Variants in VARS2 observed in about 807,000 individuals in gnomAD.
VARS2 encodes the protein valine--tRNA ligase, mitochondrial.
In VARS2, 105 loss-of-function variants were observed where a neutral mutation model predicts 154.1. The ratio of observed to expected loss-of-function variants is 0.68; its 90% CI spans 0.58 to 0.80. The LOEUF (loss-of-function observed/expected upper bound fraction) is 0.80, where lower values mean the gene tolerates loss of function less well. Among genes scored for constraint, VARS2 ranks in the 30% least tolerant of loss-of-function variants. The probability of loss-of-function intolerance (pLI) is 0.00; values close to 1 mark genes in which losing one functional copy is unlikely to be tolerated. For missense variants in VARS2, 1,157 were observed against 1,361.4 expected (o/e 0.85, Z 2.36); for synonymous variants, 483 against 539.5 (o/e 0.90, Z 1.45).
chr6:30,920,716 C>T lies in VARS2; in HGVS notation c.1446C>T (p.Val482=). The change falls in exon 15 of 30, where the codon GTC becomes GTT. Residue 482 remains valine (V), a synonymous_variant. Transcript: ENST00000676266. This position sits in a 1 kb window ranked among gnomAD's most constrained non-coding sequence, Gnocchi z 4.6. ...IEYLLKNQWF[V]RCQEMGARAA... ...ACCTGCTGAAGAACCAGTGGTTTGT[C>T]CGCTGCCAGGAAATGGGGGCCCGAG... 1.9e-6 allele frequency: 3 copies of T among 1,601,108 alleles called. No homozygotes were observed. The highest frequency in any genetic ancestry group is 2.6e-6 in the Non-Finnish European group (3 of 1,174,426).
In VARS2 at chr6:30,915,402, G is replaced by T. The variant is rs372389658; in HGVS notation, c.331G>T (p.Ala111Ser). The T allele has an allele frequency of 1.2e-6, 2 of 1,614,082 alleles. No individual in the cohort carries two copies. Among genetic ancestry groups the T allele is most frequent in the African/African-American group, 2.7e-5 (2 of 74,908 alleles). Reference protein sequence around the residue: ...PPAYSPRYVEAAWYPWWVREG... With the variant: ...PPAYSPRYVESAWYPWWVREG... ...TGCATACAGCCCCCGATATGTTGAG[G>T]CTGCCTGGTACCCGTGGTGGGTACG... Residue 111 changes from alanine (A) to serine (S), a missense_variant, in exon 4 of 30, where the codon GCT becomes TCT. Ala to Ser is a moderately conservative substitution (Grantham distance 99). Coordinates refer to ENST00000676266, the MANE Select transcript of VARS2 (RefSeq NM_020442.6).
At position 30,914,957 on chromosome 6, in the gene VARS2, C is replaced by T. The variant is rs1351298268; in HGVS notation, c.121C>T (p.Arg41Trp). The T allele has an allele frequency of 1.9e-6, 3 of 1,613,084 alleles. No individual in the cohort carries two copies. Among genetic ancestry groups the T allele is most frequent in the Non-Finnish European group, 2.5e-6 (3 of 1,180,038 alleles). The change falls in exon 2 of 30, where the codon CGG becomes TGG. Residue 41 changes from arginine (R) to tryptophan (W), a missense_variant. Coordinates refer to ENST00000676266, the MANE Select transcript of VARS2 (RefSeq NM_020442.6). Reference sequence around the variant, plus strand: ...GGAGCCCCATGGATCTCCCATCTCCCGGAGGAACCGTGAAGCCAAACAGAA... The same window carrying T: ...GGAGCCCCATGGATCTCCCATCTCCTGGAGGAACCGTGAAGCCAAACAGAA... Reference protein sequence around the residue: ...QSEPHGSPISRRNREAKQKRL... With the variant: ...QSEPHGSPISWRNREAKQKRL...
chr6:30,920,123 C>G lies in VARS2; in HGVS notation c.1200C>G (p.Ala400=). The G allele has an allele frequency of 6.3e-7, 1 of 1,580,384 alleles. No homozygotes were observed. Among genetic ancestry groups the G allele is most frequent in the Non-Finnish European group, 8.6e-7 (1 of 1,163,008 alleles). ...AVKVTPAHSP[A]DAEMGARHGL... ...AGGTGACTCCAGCTCACAGTCCTGC[C>G]GATGCTGAGATGGGGGCCCGACATG... Residue 400 remains alanine (A), a synonymous_variant, in exon 13 of 30, where the codon GCC becomes GCG. Transcript: ENST00000676266. The surrounding 1 kb of genome is among the most constrained non-coding windows in gnomAD (Gnocchi z 4.6).
At chr6:30,923,074 A>T in intron 23 of VARS2, 30 bp from the exon 24 acceptor site, 4 of 1,612,092 alleles carry the variant, frequency 2.5e-6, no homozygotes, top group Non-Finnish European at 3.4e-6. Context: ...TGCCACCTAC[A>T]TGCAGACTAC....
At position 30,920,143 on chromosome 6, in the gene VARS2, G is replaced by C. The variant is rs1261957759; in HGVS notation, c.1220G>C (p.Arg407Pro). 5 of 1,591,616 alleles carry C rather than the reference G, an allele frequency of 3.1e-6. No individual in the cohort carries two copies. The highest frequency in any genetic ancestry group is 4.3e-6 in the Non-Finnish European group (5 of 1,168,990). The change falls in exon 13 of 30, where the codon CGA becomes CCA. Residue 407 changes from arginine to proline, a missense_variant. Transcript: ENST00000676266. The surrounding 1 kb of genome is among the most constrained non-coding windows in gnomAD (Gnocchi z 4.6). ...HSPADAEMGA[R>P]HGLSPLNVIA... ...CCTGCCGATGCTGAGATGGGGGCCC[G>C]ACATGGCTTGAGCCCCTTGAATGTC...
At position 30,921,294 on chromosome 6, in the gene VARS2, G is replaced by A; in HGVS notation, c.1621G>A (p.Asp541Asn). ...HQIPAYLVVEDHAQGEEDCWV... is the reference protein window; with the variant it reads ...HQIPAYLVVENHAQGEEDCWV... ...GATTCCAGCCTACCTGGTTGTAGAG[G>A]ACCATGCGCAGGTGGGTAGGAAGAA... Residue 541 changes from aspartate (D) to asparagine (N), a missense_variant, in exon 17 of 30, where the codon GAC (aspartate) becomes AAC (asparagine). Coordinates refer to ENST00000676266, the MANE Select transcript of VARS2 (RefSeq NM_020442.6). The surrounding 1 kb of genome is among the most constrained non-coding windows in gnomAD (Gnocchi z 4.6). The A allele has an allele frequency of 6.2e-7, 1 of 1,614,160 alleles. No homozygotes were observed. Among genetic ancestry groups the A allele is most frequent in the Non-Finnish European group, 8.5e-7 (1 of 1,180,010 alleles).
chr6:30,925,466 AC>A (rs1026648781), intron 27 of VARS2, 77 bp from the exon 28 acceptor site: 8 of 1,562,990 alleles, frequency 5.1e-6, no homozygotes, highest in Admixed American at 1.9e-5. Flanking sequence ...TGAAGGGCCA[AC>A]CCCCCCGTTA....
In VARS2 at chr6:30,919,558, T is replaced by G; in HGVS notation, c.1075-200T>G. On this transcript the variant is annotated intron_variant, in intron 11 of 29. Transcript: ENST00000676266. The surrounding 1 kb of genome is among the most constrained non-coding windows in gnomAD (Gnocchi z 4.5). ...GCTCTGCTGCAGTGGCATAATAGAG[T>G]AATTGTGCTGAGAATGAATTTGTCT... 1 of 460,608 alleles carries G rather than the reference T, an allele frequency of 2.2e-6. No individual in the cohort carries two copies. Among genetic ancestry groups the G allele is most frequent in the Non-Finnish European group, 3.9e-6 (1 of 259,088 alleles). The allele number at this position is 460,608 out of a possible 1,614,324, so 28.5% of individuals were successfully genotyped here. A position where few individuals can be genotyped will look rare whatever the true frequency, so the allele number is the denominator to read the frequency against.
At position 30,915,773 on chromosome 6, in the gene VARS2, A is replaced by G. The variant is rs1794117809; in HGVS notation, c.412A>G (p.Thr138Ala). The G allele has an allele frequency of 1.2e-6, 2 of 1,613,018 alleles. No homozygotes were observed. Among genetic ancestry groups the G allele is most frequent in the East Asian group, 4.5e-5 (2 of 44,862 alleles). The change falls in exon 5 of 30, where the codon ACC becomes GCC. Residue 138 changes from threonine to alanine, a missense_variant. Thr to Ala is a moderately conservative substitution (Grantham distance 58). Coordinates refer to ENST00000676266, the MANE Select transcript of VARS2 (RefSeq NM_020442.6). ...CCGGCTGCCCCAAGCTACAGGGGAG[A>G]CCTTTTCCATGTGTATCCCACCTCC... ...QARLPQATGETFSMCIPPPNV... is the reference protein window; with the variant it reads ...QARLPQATGEAFSMCIPPPNV...
In VARS2 at chr6:30,917,711, T is replaced by C. The variant is rs1383453180; in HGVS notation, c.890T>C (p.Leu297Pro). The change falls in exon 10 of 30, where the codon CTG becomes CCG. Residue 297 changes from leucine to proline, a missense_variant. Physicochemically the swap from Leu to Pro is moderately conservative, Grantham distance 98 (BLOSUM62 -3). Coordinates refer to ENST00000676266, the MANE Select transcript of VARS2 (RefSeq NM_020442.6). This position sits in a 1 kb window ranked among gnomAD's most constrained non-coding sequence, Gnocchi z 4.4. The part of the protein sequence containing the change: ...ISDIEVENRP[L>P]PGHTQLRLPG... ...TGCCTCCAGGTGGAGAACCGGCCCC[T>C]GCCTGGCCACACACAGCTTCGACTG... The C allele has an allele frequency of 6.4e-7, 1 of 1,562,200 alleles. No homozygotes were observed. The highest frequency in any genetic ancestry group is 1.4e-5 in the African/African-American group (1 of 73,860).
At position 30,923,341 on chromosome 6, in the gene VARS2, C is replaced by T. The variant is rs1274731583; in HGVS notation, c.2314-12C>T. The T allele has an allele frequency of 1.9e-6, 3 of 1,607,892 alleles. No individual in the cohort carries two copies. In the African/African-American group the frequency reaches 4.0e-5, roughly 21 times the overall value. On this transcript the variant is annotated splice_polypyrimidine_tract_variant and intron_variant, in intron 24 of 29. Coordinates refer to ENST00000676266, the MANE Select transcript of VARS2 (RefSeq NM_020442.6). ...AGGGGGAGTCAGGCCATCCTGCCCC[C>T]TCTGCCTGCAGCTGTCTCCCTCCTC...
Position 30,917,747 on chromosome 6 carries a change from C to A in VARS2, c.926C>A (p.Pro309His). The A allele has an allele frequency of 1.3e-6, 2 of 1,567,850 alleles. No individual in the cohort carries two copies. The highest frequency in any genetic ancestry group is 1.7e-6 in the Non-Finnish European group (2 of 1,155,832). ...ACACAGCTTCGACTGCCTGGCTGCC[C>A]CACCCCCGTGTCTTTTGGCCTCCTA... is the stretch of plus-strand genomic sequence containing the variant. The part of the protein sequence containing the change: ...GHTQLRLPGC[P>H]TPVSFGLLFS... Residue 309 changes from proline (P) to histidine (H), a missense_variant, in exon 10 of 30, where the codon CCC becomes CAC. Coordinates refer to ENST00000676266, the MANE Select transcript of VARS2 (RefSeq NM_020442.6). The surrounding 1 kb of genome is among the most constrained non-coding windows in gnomAD (Gnocchi z 4.4).
At position 30,920,732 on chromosome 6, in the gene VARS2, G is replaced by C. The variant is rs754873920; in HGVS notation, c.1462G>C (p.Gly488Arg). 1.9e-6 allele frequency: 3 copies of C among 1,599,060 alleles called. No individual in the cohort carries two copies. The highest frequency in any genetic ancestry group is 2.6e-6 in the Non-Finnish European group (3 of 1,173,604). Residue 488 changes from glycine (G) to arginine (R), a missense_variant, in exon 15 of 30, where the codon GGG (glycine) becomes CGG (arginine). Transcript: ENST00000676266. This position sits in a 1 kb window ranked among gnomAD's most constrained non-coding sequence, Gnocchi z 4.6. The stretch of plus-strand genomic sequence containing the variant: ...GTGGTTTGTCCGCTGCCAGGAAATG[G>C]GGGCCCGAGCTGCCAAGGTGAGGCT... ...NQWFVRCQEM[G>R]ARAAKAVESG... is the part of the protein sequence containing the mutation.
At chr6:30,924,603 G>A in intron 26 of VARS2, 43 bp downstream of exon 26, 1 of 1,046,704 alleles carries the variant, frequency 9.6e-7, no homozygotes, top group Non-Finnish European at 1.4e-6. Context: ...GGTGAATGGG[G>A]GGGAGCACCT....
At chr6:30,915,532 TG>T in intron 4 of VARS2, 77 bp downstream of exon 4, 1 of 1,497,140 alleles carries the variant, frequency 6.7e-7, no homozygotes, top group Non-Finnish European at 9.2e-7. Flanking sequence ...ACCTCAGAGT[TG>T]AGCTCACATT....
In VARS2 at chr6:30,917,823, G is replaced by T. The variant is rs1241586324; in HGVS notation, c.985+17G>T. ...GAGAGCCTGGTGAGCATAGTACTCT[G>T]CAGGGTCACCCGTTTACCTCCATTT... is the stretch of plus-strand genomic sequence containing the variant. On this transcript the variant is annotated intron_variant, in intron 10 of 29. Transcript: ENST00000676266. The surrounding 1 kb of genome is among the most constrained non-coding windows in gnomAD (Gnocchi z 4.4). 4 of 1,550,366 alleles carry T rather than the reference G, an allele frequency of 2.6e-6. No individual in the cohort carries two copies. The highest frequency in any genetic ancestry group is 3.9e-5 in the Admixed American group (2 of 50,976).
chr6:30,926,339 C>T lies in VARS2; in HGVS notation c.*129C>T. ...ATCGCCTTCATTGTGTAAATGAGGA[C>T]ACAGACTGGCTTGGTCGCAGTGACT... is the stretch of plus-strand genomic sequence containing the variant. On this transcript the variant is annotated 3_prime_UTR_variant, in exon 30 of 30. Coordinates refer to ENST00000676266, the MANE Select transcript of VARS2 (RefSeq NM_020442.6). 1 of 947,602 alleles carries T rather than the reference C, an allele frequency of 1.1e-6. No individual in the cohort carries two copies. The highest frequency in any genetic ancestry group is 1.6e-6 in the Non-Finnish European group (1 of 620,580). 58.7% of individuals were successfully genotyped at this position (947,602 alleles called of 1,614,324 possible).
chr6:30,921,156 AG>A lies in VARS2; in HGVS notation c.1556+19del. Reference sequence around the variant, plus strand: ...TCCCATATTGGGTAAGGGTAGGGTAAGGGGAGCTCTTGTGGAGATGGGGAGG... The same window carrying A: ...TCCCATATTGGGTAAGGGTAGGGTAAGGGAGCTCTTGTGGAGATGGGGAGG... On this transcript the variant is annotated intron_variant, in intron 16 of 29. Transcript: ENST00000676266. The surrounding 1 kb of genome is among the most constrained non-coding windows in gnomAD (Gnocchi z 4.6). The A allele has an allele frequency of 1.2e-6, 2 of 1,613,892 alleles. No individual in the cohort carries two copies. Among genetic ancestry groups the A allele is most frequent in the Non-Finnish European group, 1.7e-6 (2 of 1,179,884 alleles).
At chr6:30,922,391 C>T in intron 20 of VARS2, 59 bp from the exon 21 acceptor site, 1 of 1,607,614 alleles carries the variant, frequency 6.2e-7, no homozygotes, top group Non-Finnish European at 8.5e-7. Flanking sequence ...GTATGGAGGC[C>T]AGAGATCCCA....
Sources: gnomAD v4.1 joint callset for allele counts on GRCh38, gnomAD v4.1.1 for gene constraint, Gnocchi (gnomAD v3.1) non-coding constraint, MANE v1.5 for transcripts, NCBI Gene and HGNC (gene_info 2026-07-23, HGNC 2026-07-21) for gene names.